The following EPHA6 variants were observed in gnomAD, a reference collection of about 807,000 sequenced individuals.
EPHA6 encodes the protein EPH receptor A6.
A neutral mutation model predicts 112.0 loss-of-function variants in EPHA6; 50 were observed. The ratio of observed to expected loss-of-function variants is 0.45; its 90% CI spans 0.36 to 0.56. EPHA6 has a LOEUF of 0.56. EPHA6 is among the 20% of genes least tolerant of loss of function. The probability of loss-of-function intolerance (pLI) is 0.00; values close to 1 mark genes in which losing one functional copy is unlikely to be tolerated. For synonymous variants in EPHA6, 529 were observed against 490.7 expected (o/e 1.08, Z -1.03); for missense variants, 1,280 against 1,417.4 (o/e 0.90, Z 1.56).
chr3:96,939,583 G>GTT (rs1458241741), intron 2 of EPHA6, among the ~76,000 whole-genome samples: 1 of 151,978 alleles, frequency 6.6e-6, no homozygotes, highest in South Asian at 2.1e-4. Context: ...TTTTTGAAGG[G>GTT]TTTTTGTGTC....
chr3:96,973,975 G>T (rs2042418766), intron 2 of EPHA6, among the ~76,000 whole-genome samples: 1 of 142,812 alleles, frequency 7.0e-6, no homozygotes, highest in African/African-American at 2.6e-5. Flanking sequence ...TATTATAACA[G>T]AATCTTTATT....
intron 5 of EPHA6, among the ~76,000 whole-genome samples, chr3:97,383,530 T>C (rs1288465300): frequency 6.6e-6 from 1 of 152,124 alleles, no homozygotes; most frequent in Non-Finnish European, 1.5e-5. Context: ...GAAATTTTTA[T>C]GTCTATTCAC....
chr3:97,164,334 G>A (rs978157270), intron 3 of EPHA6, among the ~76,000 whole-genome samples: 3 of 152,062 alleles, frequency 2.0e-5, no homozygotes, highest in Admixed American at 1.3e-4. Context: ...TTGCCTCCAC[G>A]TAACCACAGA....
At chr3:97,317,786 G>C (rs897600603) in intron 5 of EPHA6, among the ~76,000 whole-genome samples, 2 of 151,948 alleles carry the variant, frequency 1.3e-5, no homozygotes, top group African/African-American at 4.8e-5. Flanking sequence ...GTGGTTTCTA[G>C]AACTGCATGG....
intron 2 of EPHA6, among the ~76,000 whole-genome samples, chr3:96,970,079 A>AT (rs2042257693): frequency 6.6e-6 from 1 of 151,980 alleles, no homozygotes; most frequent in East Asian, 1.9e-4. Context: ...AAGATAAGTG[A>AT]TTTTATTGAA....
At chr3:97,290,726 G>T (rs138413222) in intron 5 of EPHA6, among the ~76,000 whole-genome samples, 1 of 151,868 alleles carries the variant, frequency 6.6e-6, no homozygotes, top group Admixed American at 6.6e-5. Context: ...CAGTTGTTAT[G>T]ACTCCTTTTT....
chr3:97,727,833 T>C (rs945119591), intron 15 of EPHA6, among the ~76,000 whole-genome samples: 62 of 152,114 alleles, frequency 4.1e-4, no homozygotes, highest in African/African-American at 1.5e-3. Flanking sequence ...GTACATCTGC[T>C]ACAGAGGCAA....
rs527606396 is a variant in EPHA6, at chr3:97,042,650, G to A, written c.1114+54657G>A. 3.3e-5 allele frequency among the ~76,000 whole-genome samples: 5 copies of A among 152,158 alleles called. No homozygotes were observed. The South Asian group carries it at 8.3e-4, about 25-fold the overall frequency. ...TGCTCGCCTCCCTGTAGATCTAGCCGTGGTTCCAACCATTAGAGAACTCCC... is the reference window on the plus strand; with the variant it reads ...TGCTCGCCTCCCTGTAGATCTAGCCATGGTTCCAACCATTAGAGAACTCCC... On this transcript the variant is annotated intron_variant, in intron 3 of 17. Transcript: ENST00000389672.
In EPHA6 at chr3:96,819,752, TA is replaced by T. The variant is rs1296398232; in HGVS notation, c.385+4747del. On this transcript the variant is annotated intron_variant, in intron 1 of 17. Coordinates refer to ENST00000389672, the MANE Select transcript of EPHA6 (RefSeq NM_001080448.3). ...CTTGTAATTTAATCAGACTGACATT[TA>T]AACAAACTGAAGATACATTCTGTTC... 2.9e-3 allele frequency among the ~76,000 whole-genome samples: 443 copies of T among 152,272 alleles called. 4 individuals are homozygous for T. The highest frequency in any genetic ancestry group is 9.6e-3 in the African/African-American group (401 of 41,580).
chr3:96,931,660 AC>A (rs2040332207), intron 2 of EPHA6, among the ~76,000 whole-genome samples: 2 of 152,258 alleles, frequency 1.3e-5, no homozygotes, highest in South Asian at 4.1e-4. Flanking sequence ...AGTCAACAGA[AC>A]TGCACAGATA....
intron 5 of EPHA6, among the ~76,000 whole-genome samples, chr3:97,369,897 A>C (rs1056821001): frequency 2.6e-5 from 4 of 152,196 alleles, no homozygotes; most frequent in Admixed American, 2.6e-4. Flanking sequence ...AAAAAAATCA[A>C]AGTTTTCAAT....
chr3:97,478,246 T>C (rs2091433174), intron 8 of EPHA6, among the ~76,000 whole-genome samples: 1 of 152,082 alleles, frequency 6.6e-6, no homozygotes, highest in Non-Finnish European at 1.5e-5. Context: ...CAGTAAACAG[T>C]GATTTAAATA....
chr3:97,759,734 G>C lies in EPHA6; in HGVS notation c.*11033G>C. 1 of 228,092 alleles carries C rather than the reference G, an allele frequency of 4.4e-6. No individual in the cohort carries two copies. Among genetic ancestry groups the C allele is most frequent in the East Asian group, 6.3e-5 (1 of 15,990 alleles). 14.1% of individuals were successfully genotyped at this position (228,092 alleles called of 1,614,324 possible). On this transcript the variant is annotated 3_prime_UTR_variant, in exon 18 of 18. Transcript: ENST00000389672. The stretch of plus-strand genomic sequence containing the variant: ...TTTTTTTTAATTTTACCAAGAATGA[G>C]ATAAAAGCCAATATGCAGGATGGGA...
At chr3:97,257,927 G>C (rs1268585729) in intron 5 of EPHA6, among the ~76,000 whole-genome samples, 1 of 151,818 alleles carries the variant, frequency 6.6e-6, no homozygotes, top group Non-Finnish European at 1.5e-5. Flanking sequence ...GTACACACAT[G>C]GTCATAAGGA....
At chr3:97,421,875 A>G (rs2088668420) in intron 6 of EPHA6, among the ~76,000 whole-genome samples, 1 of 152,040 alleles carries the variant, frequency 6.6e-6, no homozygotes, top group African/African-American at 2.4e-5. Flanking sequence ...TGTATGGGCT[A>G]TTCACTAGGT....
chr3:96,988,696 T>G (rs2043109263), intron 3 of EPHA6, among the ~76,000 whole-genome samples: 1 of 152,138 alleles, frequency 6.6e-6, no homozygotes, highest in Admixed American at 6.5e-5. Context: ...TTGCTATTAT[T>G]ACATAGAATT....
At chr3:96,929,259 A>G (rs571161953) in intron 2 of EPHA6, among the ~76,000 whole-genome samples, 21 of 152,290 alleles carry the variant, frequency 1.4e-4, no homozygotes, top group Non-Finnish European at 2.1e-4. Flanking sequence ...TTATACATGG[A>G]TTCAATACTG....
intron 2 of EPHA6, among the ~76,000 whole-genome samples, chr3:96,906,609 C>T (rs979157546): frequency 1.3e-5 from 2 of 152,038 alleles, no homozygotes; most frequent in Non-Finnish European, 2.9e-5. Context: ...TGTCTCTGCA[C>T]CTTTGTCCAC....
rs141644044 is a variant in EPHA6 at position 97,158,079 on chromosome 3, G to A, written c.1115-68185G>A. ...TCCTAACATGTTACAGTTATCCTGT[G>A]TACAACCAAAAACACACTAATATGT... On this transcript the variant is annotated intron_variant, in intron 3 of 17. Transcript: ENST00000389672. 8.7e-4 allele frequency among the ~76,000 whole-genome samples: 133 copies of A among 152,234 alleles called. 1 individual carries two copies. The highest frequency in any genetic ancestry group is 2.9e-3 in the African/African-American group (122 of 41,540).
Sources: allele counts gnomAD v4.1 joint callset (sites outside exome capture counted in the v4.1 genomes callset), GRCh38; gene constraint gnomAD v4.1.1; transcripts MANE v1.5; gene names NCBI Gene and HGNC (gene_info 2026-07-23, HGNC 2026-07-21).